The following ESR1 variants were observed in gnomAD, a reference collection of about 807,000 sequenced individuals.
The protein encoded by ESR1 is estrogen receptor.
A neutral mutation model predicts 52.7 loss-of-function variants in ESR1; 12 were observed. That is an observed-to-expected ratio of 0.23 (90% confidence interval 0.15 to 0.37). The LOEUF is 0.37. Ranked by LOEUF, ESR1 falls within the 10% of genes least tolerant of loss-of-function variation. ESR1 has a pLI of 1.00. For missense variants in ESR1, 584 were observed against 779.7 expected, an observed-to-expected ratio of 0.75 and a Z score of 2.99; for synonymous variants, 305 against 316.8, an observed-to-expected ratio of 0.96 and a Z score of 0.39.
intron 7 of ESR1, among the ~76,000 whole-genome samples, chr6:152,096,488 G>T (rs778788307): frequency 1.3e-5 from 2 of 152,272 alleles, no homozygotes; most frequent in Non-Finnish European, 2.9e-5. Context: ...CCCTCACAGT[G>T]CCATATGTGA....
intron 6 of ESR1, among the ~76,000 whole-genome samples, chr6:152,082,360 A>G (rs1250896873): frequency 6.6e-6 from 1 of 152,216 alleles, no homozygotes; most frequent in East Asian, 1.9e-4. Flanking sequence ...AATGACAAAA[A>G]CCACATGATT....
chr6:151,965,704 A>G (rs1327597422), intron 4 of ESR1, among the ~76,000 whole-genome samples: 1 of 152,154 alleles, frequency 6.6e-6, no homozygotes, highest in Admixed American at 6.5e-5. Flanking sequence ...TCAACTTTGG[A>G]CATATCTATT....
At chr6:152,057,125 A>G (rs1452980155) in intron 5 of ESR1, among the ~76,000 whole-genome samples, 1 of 152,176 alleles carries the variant, frequency 6.6e-6, no homozygotes, top group Non-Finnish European at 1.5e-5. Flanking sequence ...CTCAGTAGAC[A>G]CTGAAGAGTT....
At chr6:151,879,117 G>A (rs539042266) in intron 2 of ESR1, among the ~76,000 whole-genome samples, 63 of 152,122 alleles carry the variant, frequency 4.1e-4, no homozygotes, top group Non-Finnish European at 8.1e-4. Flanking sequence ...GCTTAATGTT[G>A]GATGGAGGAA....
At chr6:151,991,735 T>G (rs1359351797) in intron 4 of ESR1, among the ~76,000 whole-genome samples, 3 of 152,152 alleles carry the variant, frequency 2.0e-5, no homozygotes, top group Non-Finnish European at 4.4e-5. Context: ...GAAGTACTTC[T>G]GCTTCACGTC....
intron 6 of ESR1, among the ~76,000 whole-genome samples, chr6:152,115,384 C>T (rs76461618): frequency 0.017 from 2,526 of 152,230 alleles, 81 homozygotes; most frequent in African/African-American, 0.058. Flanking sequence ...TGTCTTGTCC[C>T]TGATTGGTTT....
At chr6:151,887,944 T>C (rs375522866) in intron 3 of ESR1, among the ~76,000 whole-genome samples, 11 of 152,338 alleles carry the variant, frequency 7.2e-5, no homozygotes, top group African/African-American at 2.6e-4. Flanking sequence ...TCAAAGAAAC[T>C]GTCCTTTCTC....
intron 3 of ESR1, among the ~76,000 whole-genome samples, chr6:151,908,616 G>A (rs1265635228): frequency 6.6e-6 from 1 of 152,154 alleles, no homozygotes; most frequent in East Asian, 1.9e-4. Flanking sequence ...TGGATAATTG[G>A]TGTGCATTCC....
At chr6:151,669,766 G>T (rs989258963) in intron 1 of ESR1, among the ~76,000 whole-genome samples, 10 of 152,140 alleles carry the variant, frequency 6.6e-5, no homozygotes, top group African/African-American at 2.4e-4. Context: ...CTATCACGAG[G>T]GTACTTTTAA....
At chr6:151,695,246 A>G (rs889489725) in intron 1 of ESR1, among the ~76,000 whole-genome samples, 16 of 152,192 alleles carry the variant, frequency 1.1e-4, no homozygotes, top group African/African-American at 3.9e-4. Flanking sequence ...TTAGTCTCCT[A>G]TTTAAAGCTG....
In ESR1 at chr6:151,984,982, C is replaced by A. The variant is rs1159272129; in HGVS notation, c.1097-26674C>A. ...TAATCACATTCATCCTTAATTTCAT[C>A]ATCATTAAAATAGCAGAGAATAATT... On this transcript the variant is annotated intron_variant, in intron 4 of 7. Transcript: ENST00000206249. Among the ~76,000 whole-genome samples the A allele has an allele frequency of 1.3e-5, 2 of 152,084 alleles. 1 individual carries two copies. The highest frequency in any genetic ancestry group is 4.8e-5 in the African/African-American group (2 of 41,368).
At chr6:151,932,281 C>CAT (rs2033742516) in intron 3 of ESR1, among the ~76,000 whole-genome samples, 1 of 150,880 alleles carries the variant, frequency 6.6e-6, no homozygotes, top group African/African-American at 2.4e-5. Context: ...ATGTCCTTTG[C>CAT]CCACTTTTTG....
intron 2 of ESR1, among the ~76,000 whole-genome samples, chr6:151,851,903 G>A (rs913725129): frequency 9.9e-5 from 15 of 152,234 alleles, no homozygotes; most frequent in South Asian, 6.2e-4. Context: ...GAATCAAAGC[G>A]TGAAGACCAA....
chr6:151,659,793 C>T (rs1003490079), intron 1 of ESR1, among the ~76,000 whole-genome samples: 1 of 152,160 alleles, frequency 6.6e-6, no homozygotes, highest in African/African-American at 2.4e-5. Flanking sequence ...ATGTGATGTA[C>T]ACATTCATTC....
Position 152,098,579 on chromosome 6 carries a change from C to G in ESR1, c.1554-153C>G, listed in dbSNP as rs2050822224. 6.6e-6 allele frequency among the ~76,000 whole-genome samples: 1 copy of G among 152,054 alleles called. No homozygotes were observed. The highest frequency in any genetic ancestry group is 2.4e-5 in the African/African-American group (1 of 41,432). On this transcript the variant is annotated intron_variant, in intron 7 of 7. Coordinates refer to ENST00000206249, the MANE Select transcript of ESR1 (RefSeq NM_000125.4). The surrounding 1 kb of genome is among the most constrained non-coding windows in gnomAD (Gnocchi z 5.1). ...GGCTTCTGAAAGCCCTCAGCTTTCC[C>G]AGCTCCCATCCTAAAGTGGGTCTTT...
At chr6:151,690,845 G>A (rs1271595236) in intron 1 of ESR1, among the ~76,000 whole-genome samples, 2 of 152,172 alleles carry the variant, frequency 1.3e-5, no homozygotes, top group Admixed American at 6.5e-5. Flanking sequence ...ATGATAAAAT[G>A]TGAAATCTAA....
intron 4 of ESR1, among the ~76,000 whole-genome samples, chr6:151,945,548 G>T (rs1217374183): frequency 6.6e-6 from 1 of 152,144 alleles, no homozygotes; most frequent in Non-Finnish European, 1.5e-5. Context: ...CTTTCTCCCT[G>T]CCCCAGTGTA....
intron 3 of ESR1, among the ~76,000 whole-genome samples, chr6:151,937,367 T>C (rs1584340656): frequency 4.6e-5 from 7 of 152,286 alleles, no homozygotes; most frequent in African/African-American, 1.7e-4. Context: ...AGTTAATTCC[T>C]GCTGACGGCT....
At chr6:151,849,743 A>G (rs1053787434) in intron 2 of ESR1, among the ~76,000 whole-genome samples, 1 of 151,760 alleles carries the variant, frequency 6.6e-6, no homozygotes, top group East Asian at 1.9e-4. Flanking sequence ...TGTTAATGCA[A>G]GTGGTACATT....
Sources: gnomAD v4.1 joint callset for allele counts (sites outside exome capture counted in the v4.1 genomes callset) on GRCh38, gnomAD v4.1.1 for gene constraint, Gnocchi (gnomAD v3.1) non-coding constraint, MANE v1.5 for transcripts, NCBI Gene and HGNC (gene_info 2026-07-23, HGNC 2026-07-21) for gene names.